Variants in OSBPL6 observed in about 807,000 individuals in gnomAD.
OSBPL6 encodes the protein oxysterol binding protein like 6.
In OSBPL6, 49 loss-of-function variants were observed where a neutral mutation model predicts 125.8. The ratio of observed to expected loss-of-function variants is 0.39; its 90% CI spans 0.31 to 0.49. OSBPL6 has a LOEUF of 0.49. Among genes scored for constraint, OSBPL6 ranks in the 20% least tolerant of loss-of-function variants. The pLI, the probability that OSBPL6 is intolerant of heterozygous loss-of-function variation, is 0.88. For missense variants in OSBPL6, 986 were observed against 1,135.4 expected (o/e 0.87, Z 1.89); for synonymous variants, 394 against 391.8 (o/e 1.01, Z -0.07).
chr2:178,364,303 GA>G (rs1159173247), intron 13 of OSBPL6, among the ~76,000 whole-genome samples: 2 of 152,194 alleles, frequency 1.3e-5, no homozygotes, highest in Non-Finnish European at 2.9e-5. Flanking sequence ...GATAATGCCA[GA>G]AATTAGAACT....
intron 1 of OSBPL6, among the ~76,000 whole-genome samples, chr2:178,195,220 G>A (rs540585972): frequency 1.3e-5 from 2 of 152,230 alleles, no homozygotes; most frequent in East Asian, 1.9e-4. Flanking sequence ...TTGTGCGCGT[G>A]CACTGCGGAC....
Position 178,344,614 on chromosome 2 carries a change from T to C in OSBPL6, c.988-4610T>C, listed in dbSNP as rs13398971. Among the ~76,000 whole-genome samples, 1,459 of 152,312 alleles carry C rather than the reference T, an allele frequency of 9.6e-3. 23 individuals are homozygous for C. Among genetic ancestry groups the C allele is most frequent in the African/African-American group, 0.033 (1,392 of 41,576 alleles). On this transcript the variant is annotated intron_variant, in intron 11 of 24. Coordinates refer to ENST00000190611, the MANE Select transcript of OSBPL6 (RefSeq NM_032523.4). ...ACATGAAGACATAATTTAAGTCAAATTTGCAAAATTGAGTACAGTGCCCCA... is the reference window on the plus strand; with the variant it reads ...ACATGAAGACATAATTTAAGTCAAACTTGCAAAATTGAGTACAGTGCCCCA...
intron 12 of OSBPL6, 136 bp from the exon 13 acceptor site, chr2:178,361,546 C>A: frequency 1.0e-6 from 1 of 964,930 alleles, no homozygotes; most frequent in Non-Finnish European, 1.5e-6. Flanking sequence ...CTTTTGAAGG[C>A]TGATTTTTAA....
intron 1 of OSBPL6, among the ~76,000 whole-genome samples, chr2:178,199,562 C>T (rs1574458910): frequency 6.6e-6 from 1 of 151,086 alleles, no homozygotes; most frequent in East Asian, 1.9e-4. Context: ...CATGGGGAGC[C>T]TCTGCAAGAT....
chr2:178,208,565 T>A (rs2089662789), intron 1 of OSBPL6, among the ~76,000 whole-genome samples: 1 of 152,072 alleles, frequency 6.6e-6, no homozygotes, highest in Admixed American at 6.5e-5. Flanking sequence ...ACCTCTCTCC[T>A]GTATTGGATC....
At chr2:178,211,635 A>G (rs1337933052) in intron 1 of OSBPL6, among the ~76,000 whole-genome samples, 1 of 151,888 alleles carries the variant, frequency 6.6e-6, no homozygotes, top group African/African-American at 2.4e-5. Context: ...TGGAGTCTCT[A>G]CCTGACCCCA....
chr2:178,266,119 A>G (rs1239800451), intron 1 of OSBPL6, among the ~76,000 whole-genome samples: 1 of 152,174 alleles, frequency 6.6e-6, no homozygotes, highest in African/African-American at 2.4e-5. Context: ...TTAGGAATTA[A>G]GAGGATGAGT....
intron 3 of OSBPL6, among the ~76,000 whole-genome samples, chr2:178,320,619 A>G (rs1356937505): frequency 2.0e-5 from 3 of 152,248 alleles, no homozygotes; most frequent in South Asian, 2.1e-4. Context: ...GAAAACAGCT[A>G]TCTTGTGAAG....
At chr2:178,358,010 C>T (rs1345846303) in intron 12 of OSBPL6, among the ~76,000 whole-genome samples, 1 of 152,192 alleles carries the variant, frequency 6.6e-6, no homozygotes. Context: ...CACCTGTTCT[C>T]ACTCATAGGT....
At chr2:178,299,504 T>TA (rs1273758392) in intron 2 of OSBPL6, among the ~76,000 whole-genome samples, 1 of 150,418 alleles carries the variant, frequency 6.6e-6, no homozygotes. Flanking sequence ...CAGATGAACT[T>TA]ACTTTTTTTC....
At chr2:178,257,321 T>C (rs139770743) in intron 1 of OSBPL6, among the ~76,000 whole-genome samples, 1 of 152,348 alleles carries the variant, frequency 6.6e-6, no homozygotes, top group Non-Finnish European at 1.5e-5. Context: ...TGTTCAAGGA[T>C]ACAAACTTTC....
chr2:178,200,679 T>C (rs2089200197), intron 1 of OSBPL6, among the ~76,000 whole-genome samples: 1 of 152,222 alleles, frequency 6.6e-6, no homozygotes, highest in African/African-American at 2.4e-5. Flanking sequence ...TGGAGTGTTG[T>C]ACAGGGGTGT....
chr2:178,288,734 T>C (rs1452590619), intron 2 of OSBPL6, among the ~76,000 whole-genome samples: 2 of 151,860 alleles, frequency 1.3e-5, no homozygotes, highest in African/African-American at 4.8e-5. Flanking sequence ...CTACAACCTC[T>C]GCCTCCCGAG....
intron 11 of OSBPL6, among the ~76,000 whole-genome samples, chr2:178,348,247 T>A (rs12467040): frequency 0.14 from 21,642 of 152,162 alleles, 1,660 homozygotes; most frequent in Admixed American, 0.22. Flanking sequence ...GTGTGAATTA[T>A]CCTGTCAGTT....
intron 12 of OSBPL6, among the ~76,000 whole-genome samples, chr2:178,351,425 C>T (rs566385016): frequency 6.6e-6 from 1 of 150,816 alleles, no homozygotes; most frequent in African/African-American, 2.4e-5. Context: ...CATACAAAAC[C>T]CTGTTATTCT....
intron 13 of OSBPL6, among the ~76,000 whole-genome samples, chr2:178,365,866 A>G (rs1692776167): frequency 6.6e-6 from 1 of 152,098 alleles, no homozygotes. Context: ...TTTATTTGAC[A>G]TCAGCTATAA....
At chr2:178,384,931 A>T (rs1041711122) in intron 18 of OSBPL6, among the ~76,000 whole-genome samples, 2 of 152,204 alleles carry the variant, frequency 1.3e-5, no homozygotes, top group Non-Finnish European at 2.9e-5. Context: ...AATGGGAGGC[A>T]GGTGGTCCTG....
intron 1 of OSBPL6, among the ~76,000 whole-genome samples, chr2:178,262,161 A>G (rs1013099242): frequency 6.6e-6 from 1 of 152,216 alleles, no homozygotes; most frequent in South Asian, 2.1e-4. Context: ...GAAGACCTGA[A>G]TTATTTTACT....
At chr2:178,292,678 A>C (rs1420830321) in intron 2 of OSBPL6, among the ~76,000 whole-genome samples, 1 of 152,106 alleles carries the variant, frequency 6.6e-6, no homozygotes, top group Non-Finnish European at 1.5e-5. Context: ...TTGAGTGTCC[A>C]CTCAGTATCC....
Sources: gnomAD v4.1 joint callset for allele counts (sites outside exome capture counted in the v4.1 genomes callset) on GRCh38, gnomAD v4.1.1 for gene constraint, MANE v1.5 for transcripts, NCBI Gene and HGNC (gene_info 2026-07-23, HGNC 2026-07-21) for gene names.